LRRTM4: variants seen among roughly 807,000 people sequenced by gnomAD.
LRRTM4 encodes leucine rich repeat transmembrane neuronal 4, also known as leucine-rich repeat transmembrane neuronal protein 4.
Under a neutral mutation model 47.6 loss-of-function variants are expected in LRRTM4, and 25 were observed. The observed-to-expected ratio is 0.53, with a 90% CI of 0.38 to 0.73. LRRTM4 has a LOEUF of 0.73. Ranked by LOEUF, LRRTM4 falls within the 30% of genes least tolerant of loss-of-function variation. LRRTM4 has a pLI of 0.00. For missense variants in LRRTM4, 638 were observed against 713.4 expected, an observed-to-expected ratio of 0.89 and a Z score of 1.20; for synonymous variants, 311 against 269.5, an observed-to-expected ratio of 1.15 and a Z score of -1.51.
At chr2:76,910,568 AG>A (rs1288229603) in intron 3 of LRRTM4, among the ~76,000 whole-genome samples, 1 of 152,226 alleles carries the variant, frequency 6.6e-6, no homozygotes, top group Non-Finnish European at 1.5e-5. Context: ...TCATTATGTC[AG>A]GGATTGATGG....
rs558107558 is a variant in LRRTM4, at chr2:77,344,177, GT to G, written c.1551+174140del. Among the ~76,000 whole-genome samples the G allele has an allele frequency of 2.8e-4, 42 of 151,728 alleles. No homozygotes were observed. The South Asian group carries it at 7.1e-3, about 26-fold the overall frequency. On this transcript the variant is annotated intron_variant, in intron 3 of 3. Coordinates refer to ENST00000409884, the MANE Select transcript of LRRTM4 (RefSeq NM_001134745.3). ...TAATATTAACATATTCAAGAAACAA[GT>G]CAAAAGAACATGAAAAATAACAATG...
At chr2:76,962,528 G>A (rs571249383) in intron 3 of LRRTM4, among the ~76,000 whole-genome samples, 1 of 150,536 alleles carries the variant, frequency 6.6e-6, no homozygotes, top group African/African-American at 2.4e-5. Flanking sequence ...TTTGTCTAGG[G>A]AGAGAAACAA....
chr2:77,001,989 T>G (rs1677447105), intron 3 of LRRTM4, among the ~76,000 whole-genome samples: 1 of 152,150 alleles, frequency 6.6e-6, no homozygotes, highest in African/African-American at 2.4e-5. Context: ...CCTGGCATTT[T>G]CAATAAAAGC....
intron 3 of LRRTM4, among the ~76,000 whole-genome samples, chr2:77,083,453 C>T (rs1267194995): frequency 6.6e-6 from 1 of 152,140 alleles, no homozygotes; most frequent in Non-Finnish European, 1.5e-5. Flanking sequence ...AAATCTACCA[C>T]ATATTTCACC....
rs1674082712 is a variant in LRRTM4, at chr2:77,205,099, GC to G, written c.1551+313218del. Among the ~76,000 whole-genome samples the G allele has an allele frequency of 2.6e-5, 4 of 152,296 alleles. No homozygotes were observed. The South Asian group carries it at 8.3e-4, about 32-fold the overall frequency. On this transcript the variant is annotated intron_variant, in intron 3 of 3. Transcript: ENST00000409884. ...TGGAAGGGTATGAACATTTTCCAGT[GC>G]CGGAAGAAGGCAACATACACATGTA...
At chr2:77,189,325 A>G (rs1471353900) in intron 3 of LRRTM4, among the ~76,000 whole-genome samples, 6 of 152,198 alleles carry the variant, frequency 3.9e-5, no homozygotes, top group African/African-American at 9.6e-5. Flanking sequence ...CATCCTCAGC[A>G]GTTCTTCATT....
intron 3 of LRRTM4, among the ~76,000 whole-genome samples, chr2:76,757,575 C>T (rs1228189570): frequency 6.6e-6 from 1 of 152,098 alleles, no homozygotes; most frequent in Non-Finnish European, 1.5e-5. Context: ...AAAGGCTTTC[C>T]TTCGGTAGCT....
At chr2:77,501,538 GA>G (rs1200529881) in intron 3 of LRRTM4, among the ~76,000 whole-genome samples, 2 of 150,456 alleles carry the variant, frequency 1.3e-5, no homozygotes, top group South Asian at 2.1e-4. Context: ...GAGACTATTA[GA>G]AAAAAATAAA....
intron 3 of LRRTM4, among the ~76,000 whole-genome samples, chr2:76,833,094 G>A (rs1056408728): frequency 6.6e-6 from 1 of 152,060 alleles, no homozygotes; most frequent in Non-Finnish European, 1.5e-5. Flanking sequence ...GGAACTGTGC[G>A]TGAAATACAA....
chr2:76,796,709 G>C (rs1039998700), intron 3 of LRRTM4, among the ~76,000 whole-genome samples: 2 of 146,254 alleles, frequency 1.4e-5, no homozygotes, highest in African/African-American at 5.2e-5. Context: ...CAAAGACAGG[G>C]AAAAAACAGA....
chr2:77,321,982 T>C (rs1371817027), intron 3 of LRRTM4, among the ~76,000 whole-genome samples: 1 of 152,200 alleles, frequency 6.6e-6, no homozygotes, highest in Admixed American at 6.5e-5. Context: ...AATTGAAATT[T>C]AAGATATGAA....
intron 3 of LRRTM4, among the ~76,000 whole-genome samples, chr2:77,097,827 T>G (rs1402500468): frequency 6.6e-6 from 1 of 151,056 alleles, no homozygotes; most frequent in Non-Finnish European, 1.5e-5. Flanking sequence ...AAGATAGGAG[T>G]GGTAATTAAT....
intron 3 of LRRTM4, among the ~76,000 whole-genome samples, chr2:77,119,204 C>G (rs946315284): frequency 6.6e-6 from 1 of 151,928 alleles, no homozygotes; most frequent in Non-Finnish European, 1.5e-5. Flanking sequence ...CATCCCCACT[C>G]TAACTTCCAT....
chr2:76,857,705 G>A (rs1672196364), intron 3 of LRRTM4, among the ~76,000 whole-genome samples: 1 of 152,096 alleles, frequency 6.6e-6, no homozygotes. Context: ...ACATAATTTT[G>A]TGTCAGCAGT....
At chr2:76,877,823 C>T (rs1211909931) in intron 3 of LRRTM4, among the ~76,000 whole-genome samples, 3 of 151,998 alleles carry the variant, frequency 2.0e-5, no homozygotes, top group Non-Finnish European at 2.9e-5. Context: ...AGAGGAAAAA[C>T]ATTTAAAAGA....
chr2:77,404,694 AAGT>A (rs1411689445), intron 3 of LRRTM4, among the ~76,000 whole-genome samples: 2 of 152,088 alleles, frequency 1.3e-5, no homozygotes, highest in African/African-American at 4.8e-5. Flanking sequence ...AAGATATTTG[AAGT>A]TTCTTTCAAT....
At chr2:77,428,552 T>A (rs1463745198) in intron 3 of LRRTM4, among the ~76,000 whole-genome samples, 2 of 152,212 alleles carry the variant, frequency 1.3e-5, no homozygotes, top group African/African-American at 2.4e-5. Context: ...CACAGTAGAA[T>A]ATTGCCTTTT....
chr2:76,784,888 G>A (rs541101544), intron 3 of LRRTM4, among the ~76,000 whole-genome samples: 2 of 152,178 alleles, frequency 1.3e-5, no homozygotes, highest in African/African-American at 2.4e-5. Context: ...GATCATAGAA[G>A]CAGTTATTTT....
intron 3 of LRRTM4, among the ~76,000 whole-genome samples, chr2:77,198,517 T>C (rs553499777): frequency 3.9e-5 from 6 of 152,300 alleles, no homozygotes; most frequent in Non-Finnish European, 7.4e-5. Flanking sequence ...AGAAAGACCG[T>C]TAAAATTAAG....
Sources: gnomAD v4.1 joint callset for allele counts (sites outside exome capture counted in the v4.1 genomes callset) on GRCh38, gnomAD v4.1.1 for gene constraint, MANE v1.5 for transcripts, NCBI Gene and HGNC (gene_info 2026-07-23, HGNC 2026-07-21) for gene names.